Variants in TAF3 observed in about 807,000 individuals in gnomAD.
TAF3 encodes transcription initiation factor TFIID subunit 3.
In TAF3, 7 loss-of-function variants were observed where a neutral mutation model predicts 80.6. That is an observed-to-expected ratio of 0.09 (90% CI 0.05 to 0.16). The LOEUF is 0.16. Among genes scored for constraint, TAF3 ranks in the 10% least tolerant of loss-of-function variants. The pLI, the probability that TAF3 is intolerant of heterozygous loss-of-function variation, is 1.00. For synonymous variants in TAF3, 444 were observed against 446.1 expected (o/e 1.00, Z 0.06); for missense variants, 921 against 1,140.2 (o/e 0.81, Z 2.77).
chr10:7,863,626 A>ATATATAT (rs1554778359), intron 2 of TAF3, among the ~76,000 whole-genome samples: 6 of 48,098 alleles, frequency 1.2e-4, no homozygotes, highest in Admixed American at 9.2e-4. Flanking sequence ...AAAAAAAAAA[A>ATATATAT]ATATATATAT....
In TAF3 at chr10:7,818,680, C is replaced by A; in HGVS notation, c.-30C>A. 6.3e-7 allele frequency: 1 copy of A among 1,595,844 alleles called. No individual in the cohort carries two copies. On this transcript the variant is annotated 5_prime_UTR_variant, in exon 1 of 7. Coordinates refer to ENST00000344293, the MANE Select transcript of TAF3 (RefSeq NM_031923.4). ...CGGCGGGGCTGGAGAGCAGTGGCAG[C>A]AAGGGCTGCGGTGGCGTCCACGCAG...
chr10:7,894,872 T>TTTG (rs1035367552), intron 2 of TAF3, among the ~76,000 whole-genome samples: 14 of 152,060 alleles, frequency 9.2e-5, no homozygotes, highest in Non-Finnish European at 1.6e-4. Flanking sequence ...AATTCCCTTT[T>TTTG]TTGTTGTTGT....
intron 2 of TAF3, among the ~76,000 whole-genome samples, chr10:7,853,269 G>C (rs1837046719): frequency 6.6e-6 from 1 of 152,152 alleles, no homozygotes; most frequent in Admixed American, 6.5e-5. Flanking sequence ...GTTTATTGTA[G>C]AGTTGGGTGA....
At chr10:7,950,668 A>G (rs1838073646) in intron 2 of TAF3, among the ~76,000 whole-genome samples, 1 of 152,210 alleles carries the variant, frequency 6.6e-6, no homozygotes, top group African/African-American at 2.4e-5. Flanking sequence ...TCTGTTTCTC[A>G]CAATCATTTG....
intron 4 of TAF3, among the ~76,000 whole-genome samples, chr10:7,992,765 A>G (rs1485361503): frequency 3.9e-5 from 6 of 152,182 alleles, no homozygotes; most frequent in Non-Finnish European, 8.8e-5. Flanking sequence ...CTTCTAAAAA[A>G]GTTTTTATTA....
chr10:8,013,667 T>C (rs2131444036), intron 5 of TAF3, 64 bp from the exon 6 acceptor site: 1 of 1,297,574 alleles, frequency 7.7e-7, no homozygotes, highest in Middle Eastern at 1.8e-4. Context: ...CATTCTGATC[T>C]GGCCTCTTTT....
At chr10:7,932,203 A>G (rs1447483558) in intron 2 of TAF3, among the ~76,000 whole-genome samples, 1 of 152,194 alleles carries the variant, frequency 6.6e-6, no homozygotes, top group Non-Finnish European at 1.5e-5. Flanking sequence ...CAGTGTGACA[A>G]TTGATCCTAT....
chr10:7,958,419 A>G (rs1395417244), intron 2 of TAF3, among the ~76,000 whole-genome samples: 3 of 152,202 alleles, frequency 2.0e-5, no homozygotes. Flanking sequence ...TTTCTGCAGC[A>G]GTGAAAATAA....
intron 2 of TAF3, among the ~76,000 whole-genome samples, chr10:7,874,354 T>TA (rs927004267): frequency 6.6e-6 from 1 of 152,198 alleles, no homozygotes; most frequent in Non-Finnish European, 1.5e-5. Context: ...TTACAAATAT[T>TA]ACTTGAGTTT....
intron 3 of TAF3, among the ~76,000 whole-genome samples, chr10:7,966,108 T>G (rs1831568867): frequency 6.6e-6 from 1 of 152,174 alleles, no homozygotes; most frequent in Admixed American, 6.5e-5. Flanking sequence ...CACCCATATA[T>G]TGAGAAAGGC....
At chr10:7,906,392 C>T (rs1433703300) in intron 2 of TAF3, among the ~76,000 whole-genome samples, 2 of 152,204 alleles carry the variant, frequency 1.3e-5, no homozygotes, top group African/African-American at 2.4e-5. Context: ...GTGGTAACTA[C>T]AGCTACATGA....
chr10:7,832,580 G>A (rs1836812401), intron 2 of TAF3, among the ~76,000 whole-genome samples: 1 of 152,086 alleles, frequency 6.6e-6, no homozygotes, highest in South Asian at 2.1e-4. Context: ...GTCTCGCACT[G>A]TCACCCAGGC....
intron 2 of TAF3, among the ~76,000 whole-genome samples, chr10:7,850,087 T>C (rs61833218): frequency 0.034 from 5,179 of 152,308 alleles, 116 homozygotes; most frequent in Middle Eastern, 0.054. Context: ...TAGATCCTCG[T>C]ATTTCCTGAT....
At chr10:7,995,728 A>C (rs1270352941) in intron 4 of TAF3, among the ~76,000 whole-genome samples, 1 of 152,246 alleles carries the variant, frequency 6.6e-6, no homozygotes, top group Non-Finnish European at 1.5e-5. Flanking sequence ...TTGAGTTATG[A>C]CAAGATAAAA....
At chr10:8,012,666 A>G (rs969345036) in intron 5 of TAF3, among the ~76,000 whole-genome samples, 45 of 152,162 alleles carry the variant, frequency 3.0e-4, no homozygotes, top group African/African-American at 1.1e-3. Flanking sequence ...AGGGTCAGAG[A>G]TGTAGTTGCC....
At chr10:7,912,314 G>T (rs186094226) in intron 2 of TAF3, among the ~76,000 whole-genome samples, 547 of 152,260 alleles carry the variant, frequency 3.6e-3, no homozygotes, top group Non-Finnish European at 5.8e-3. Context: ...TGCCCAAGCT[G>T]GTCTCAAAAT....
At position 7,964,839 on chromosome 10, in the gene TAF3, C is replaced by G; in HGVS notation, c.1329C>G (p.Phe443Leu). 1 of 1,614,200 alleles carries G rather than the reference C, an allele frequency of 6.2e-7. No homozygotes were observed. Among genetic ancestry groups the G allele is most frequent in the African/African-American group, 1.3e-5 (1 of 75,058 alleles). The stretch of plus-strand genomic sequence containing the variant: ...AAGCTTCCACTTCCGCGAACAATTT[C>G]ACAAAGTCAGGATCCACTCCTCTGC... ...TPKASTSANN[F>L]TKSGSTPLPL... Residue 443 changes from phenylalanine to leucine, a missense_variant, in exon 3 of 7, where the codon TTC becomes TTG. Phe to Leu is a conservative substitution (Grantham distance 22, BLOSUM62 0). Coordinates refer to ENST00000344293, the MANE Select transcript of TAF3 (RefSeq NM_031923.4). The surrounding 1 kb of genome is among the most constrained non-coding windows in gnomAD (Gnocchi z 4.1).
intron 2 of TAF3, among the ~76,000 whole-genome samples, chr10:7,935,031 C>T (rs1837903416): frequency 6.6e-6 from 1 of 152,202 alleles, no homozygotes; most frequent in South Asian, 2.1e-4. Context: ...AATGCCAGCA[C>T]TTCTGGAGGC....
intron 2 of TAF3, among the ~76,000 whole-genome samples, chr10:7,916,200 C>T (rs1005219757): frequency 5.3e-5 from 8 of 152,086 alleles, no homozygotes; most frequent in Admixed American, 6.5e-5. Flanking sequence ...TAGACAGTTT[C>T]CTTTGTTAAT....
Sources: allele counts gnomAD v4.1 joint callset (sites outside exome capture counted in the v4.1 genomes callset), GRCh38; gene constraint gnomAD v4.1.1; non-coding constraint Gnocchi (gnomAD v3.1); transcripts MANE v1.5; gene names NCBI Gene and HGNC (gene_info 2026-07-23, HGNC 2026-07-21).